BAZ1A: variants seen among roughly 807,000 people sequenced by gnomAD.
BAZ1A encodes bromodomain adjacent to zinc finger domain 1A, also known as bromodomain adjacent to zinc finger domain protein 1A.
A neutral mutation model predicts 185.2 loss-of-function variants in BAZ1A; 50 were observed. The observed-to-expected ratio is 0.27, with a 90% CI of 0.22 to 0.34. The LOEUF is 0.34. Ranked by LOEUF, BAZ1A falls within the 10% of genes least tolerant of loss-of-function variation. The probability of loss-of-function intolerance (pLI) is 1.00; values close to 1 mark genes in which losing one functional copy is unlikely to be tolerated. For synonymous variants in BAZ1A, 571 were observed against 615.6 expected, an observed-to-expected ratio of 0.93 and a Z score of 1.07; for missense variants, 1,356 against 1,839.9, an observed-to-expected ratio of 0.74 and a Z score of 4.81.
At position 34,758,860 on chromosome 14, in the gene BAZ1A, T is replaced by C. The variant is rs1192298739; in HGVS notation, c.4244-14A>G. 1 of 1,611,624 alleles carries C rather than the reference T, an allele frequency of 6.2e-7. No homozygotes were observed. The highest frequency in any genetic ancestry group is 1.3e-5 in the African/African-American group (1 of 74,902). ...CAGGCGATGGCTCTGAGTAAATAATTACAACATTTTAGGTGATAACAAAGC... is the reference window on the plus strand; with the variant it reads ...CAGGCGATGGCTCTGAGTAAATAATCACAACATTTTAGGTGATAACAAAGC... On this transcript the variant is annotated splice_polypyrimidine_tract_variant and intron_variant, in intron 24 of 26. Coordinates refer to ENST00000360310, the MANE Select transcript of BAZ1A (RefSeq NM_013448.3).
intron 24 of BAZ1A, among the ~76,000 whole-genome samples, chr14:34,759,184 T>TTTGTTTTTTTTG: frequency 9.3e-6 from 1 of 108,108 alleles, no homozygotes; most frequent in East Asian, 2.8e-4. Flanking sequence ...TTTTTTTTTT[T>TTTGTTTTTTTTG]TTTTTTTTTT....
chr14:34,803,353 T>C (rs1881674053), intron 6 of BAZ1A, among the ~76,000 whole-genome samples: 1 of 136,372 alleles, frequency 7.3e-6, no homozygotes, highest in Non-Finnish European at 1.5e-5. Flanking sequence ...CACTCCAGCC[T>C]GGTGACAGAG....
At chr14:34,756,113 T>A (rs8017454) in intron 25 of BAZ1A, among the ~76,000 whole-genome samples, 1 of 141,346 alleles carries the variant, frequency 7.1e-6, no homozygotes, top group Non-Finnish European at 1.5e-5. Flanking sequence ...ACTGGTTTTT[T>A]TCTTTTTTTT....
Position 34,807,549 on chromosome 14 carries a change from C to A in BAZ1A, c.639-11G>T. The A allele has an allele frequency of 6.2e-7, 1 of 1,602,660 alleles. No individual in the cohort carries two copies. The highest frequency in any genetic ancestry group is 8.5e-7 in the Non-Finnish European group (1 of 1,171,364). ...AGGTGTTTTCTCCGGCTACAGGAGGCAAGGAAGTCAAAGAGGGGTAGTGTT... is the reference window on the plus strand; with the variant it reads ...AGGTGTTTTCTCCGGCTACAGGAGGAAAGGAAGTCAAAGAGGGGTAGTGTT... On this transcript the variant is annotated splice_polypyrimidine_tract_variant and intron_variant, in intron 5 of 26. Coordinates refer to ENST00000360310, the MANE Select transcript of BAZ1A (RefSeq NM_013448.3).
chr14:34,832,800 G>A (rs2138733736), intron 3 of BAZ1A, among the ~76,000 whole-genome samples: 1 of 152,196 alleles, frequency 6.6e-6, no homozygotes, highest in East Asian at 1.9e-4. Flanking sequence ...ATATAGCCCA[G>A]TAATTCCACT....
chr14:34,818,637 AATAATTC>A (rs2042040393), intron 4 of BAZ1A, among the ~76,000 whole-genome samples: 1 of 152,134 alleles, frequency 6.6e-6, no homozygotes, highest in African/African-American at 2.4e-5. Context: ...TCCAGAAATA[AATAATTC>A]ATAAGTTTTA....
At chr14:34,807,169 T>C (rs565017801) in intron 6 of BAZ1A, among the ~76,000 whole-genome samples, 2 of 151,088 alleles carry the variant, frequency 1.3e-5, no homozygotes, top group Non-Finnish European at 2.9e-5. Flanking sequence ...TAGGAAGCTA[T>C]AGTTGCCCCA....
intron 2 of BAZ1A, among the ~76,000 whole-genome samples, chr14:34,870,743 A>T (rs963627007): frequency 6.6e-6 from 1 of 152,240 alleles, no homozygotes; most frequent in Non-Finnish European, 1.5e-5. Flanking sequence ...TGCTAGAATA[A>T]TTGATGTTAG....
chr14:34,793,708 G>A (rs1250596587), intron 11 of BAZ1A, among the ~76,000 whole-genome samples: 1 of 152,214 alleles, frequency 6.6e-6, no homozygotes, highest in Non-Finnish European at 1.5e-5. Flanking sequence ...ACTTTGGGAG[G>A]CCGAGGCGGG....
At chr14:34,807,376 C>G in intron 6 of BAZ1A, 75 bp downstream of exon 6, 1 of 1,007,118 alleles carries the variant, frequency 9.9e-7, no homozygotes, top group Non-Finnish European at 1.4e-6. Flanking sequence ...AATAACATTT[C>G]AGCAATGTTA....
intron 3 of BAZ1A, among the ~76,000 whole-genome samples, chr14:34,840,038 A>G (rs2138754679): frequency 6.6e-6 from 1 of 152,230 alleles, no homozygotes; most frequent in South Asian, 2.1e-4. Context: ...ATTAGTTTAA[A>G]CTACTTAGAA....
chr14:34,871,265 C>T (rs1271168281), intron 2 of BAZ1A, among the ~76,000 whole-genome samples: 3 of 152,198 alleles, frequency 2.0e-5, no homozygotes, highest in Non-Finnish European at 4.4e-5. Context: ...ACTATTTTGA[C>T]CTGGCTGATC....
intron 3 of BAZ1A, among the ~76,000 whole-genome samples, chr14:34,852,565 G>C (rs2138793272): frequency 6.6e-6 from 1 of 152,252 alleles, no homozygotes; most frequent in East Asian, 1.9e-4. Flanking sequence ...GTCGCAGGGA[G>C]CCAAGATTGC....
At chr14:34,787,363 A>AAAAAAAAAG (rs775338809) in intron 12 of BAZ1A, among the ~76,000 whole-genome samples, 2 of 112,798 alleles carry the variant, frequency 1.8e-5, no homozygotes, top group Admixed American at 1.1e-4. Context: ...AAAAAAAAAA[A>AAAAAAAAAG]AAAAAGAAAA....
intron 5 of BAZ1A, among the ~76,000 whole-genome samples, chr14:34,808,036 C>G (rs1401724954): frequency 1.3e-5 from 2 of 151,564 alleles, no homozygotes; most frequent in Non-Finnish European, 2.9e-5. Context: ...ACACAGGAGG[C>G]AGTGAGCCAA....
At chr14:34,863,081 C>G (rs1240274527) in intron 2 of BAZ1A, among the ~76,000 whole-genome samples, 1 of 150,314 alleles carries the variant, frequency 6.7e-6, no homozygotes, top group Non-Finnish European at 1.5e-5. Context: ...CTCCACCTCC[C>G]AGGTTTAAGC....
At chr14:34,856,540 C>T (rs1016554840) in intron 3 of BAZ1A, among the ~76,000 whole-genome samples, 1 of 151,914 alleles carries the variant, frequency 6.6e-6, no homozygotes, top group Non-Finnish European at 1.5e-5. Flanking sequence ...CCCAATATAC[C>T]CAGCCCAGTA....
At chr14:34,815,934 A>T (rs1861152705) in intron 4 of BAZ1A, among the ~76,000 whole-genome samples, 1 of 152,182 alleles carries the variant, frequency 6.6e-6, no homozygotes, top group Admixed American at 6.5e-5. Context: ...TGGAACTACA[A>T]ACAGCAAAAC....
At chr14:34,785,424 A>G (rs1880377466) in intron 14 of BAZ1A, among the ~76,000 whole-genome samples, 1 of 152,160 alleles carries the variant, frequency 6.6e-6, no homozygotes, top group Admixed American at 6.5e-5. Flanking sequence ...AACCTCATAT[A>G]CTGTTTCTCA....
Sources: gnomAD v4.1 joint callset for allele counts (sites outside exome capture counted in the v4.1 genomes callset) on GRCh38, gnomAD v4.1.1 for gene constraint, MANE v1.5 for transcripts, NCBI Gene and HGNC (gene_info 2026-07-23, HGNC 2026-07-21) for gene names.